Variants in FAM120B observed in about 807,000 individuals in gnomAD.
The protein encoded by FAM120B is family with sequence similarity 120 member B, also known as constitutive coactivator of peroxisome proliferator-activated receptor gamma.
Under a neutral mutation model 96.3 loss-of-function variants are expected in FAM120B, and 83 were observed. The ratio of observed to expected loss-of-function variants is 0.86; its 90% CI spans 0.72 to 1.03. The LOEUF is 1.03. FAM120B is among the 50% of genes least tolerant of loss of function. The probability of loss-of-function intolerance (pLI) is 0.00; values close to 1 mark genes in which losing one functional copy is unlikely to be tolerated. For synonymous variants in FAM120B, 407 were observed against 402.7 expected, an observed-to-expected ratio of 1.01 and a Z score of -0.13; for missense variants, 1,027 against 1,121.2, an observed-to-expected ratio of 0.92 and a Z score of 1.20.
At chr6:170,366,191 T>C (rs898687806) in intron 6 of FAM120B, among the ~76,000 whole-genome samples, 4 of 152,154 alleles carry the variant, frequency 2.6e-5, no homozygotes, top group Non-Finnish European at 4.4e-5. Flanking sequence ...TCGTTGTTCT[T>C]GGGAGTTAGA....
intron 5 of FAM120B, among the ~76,000 whole-genome samples, chr6:170,357,301 T>C (rs1305018589): frequency 6.6e-6 from 1 of 152,120 alleles, no homozygotes; most frequent in African/African-American, 2.4e-5. Context: ...GAGGAATGTC[T>C]CTACCTCCTC....
In FAM120B at chr6:170,363,925, G is replaced by A. The variant is rs1406918322; in HGVS notation, c.2283+5607G>A. On this transcript the variant is annotated intron_variant, in intron 6 of 10. Transcript: ENST00000476287. The surrounding 1 kb of genome is among the most constrained non-coding windows in gnomAD (Gnocchi z 4.5). ...TTTTTGTATTTTCAATAGAGATGGG[G>A]TTTTACCATGTTGGCCAGACTGGTC... Among the ~76,000 whole-genome samples, 2 of 152,124 alleles carry A rather than the reference G, an allele frequency of 1.3e-5. No homozygotes were observed. The highest frequency in any genetic ancestry group is 1.3e-4 in the Admixed American group (2 of 15,272).
intron 5 of FAM120B, among the ~76,000 whole-genome samples, chr6:170,348,773 C>T (rs1006540224): frequency 6.6e-6 from 1 of 152,182 alleles, no homozygotes; most frequent in Admixed American, 6.5e-5. Context: ...ATGTCAGTTT[C>T]ATTCCATCAT....
chr6:170,392,108 A>G (rs1790511140), intron 8 of FAM120B, among the ~76,000 whole-genome samples: 1 of 152,210 alleles, frequency 6.6e-6, no homozygotes, highest in African/African-American at 2.4e-5. Flanking sequence ...ATTGAAATAT[A>G]ATCAATTTTA....
At chr6:170,378,298 G>C (rs1789696210) in intron 6 of FAM120B, among the ~76,000 whole-genome samples, 1 of 152,086 alleles carries the variant, frequency 6.6e-6, no homozygotes, top group African/African-American at 2.4e-5. Context: ...TTAACCCCGA[G>C]CAGTTTCTAA....
At chr6:170,385,631 C>G in intron 6 of FAM120B, among the ~76,000 whole-genome samples, 1 of 152,314 alleles carries the variant, frequency 6.6e-6, no homozygotes, top group Non-Finnish European at 1.5e-5. Context: ...TCTTAACACA[C>G]AGTCCAGTAG....
chr6:170,333,342 A>G (rs1786191634), intron 4 of FAM120B, among the ~76,000 whole-genome samples: 1 of 152,134 alleles, frequency 6.6e-6, no homozygotes, highest in Non-Finnish European at 1.5e-5. Context: ...GCGGGGCCTC[A>G]CCAGAAGCCA....
At chr6:170,338,961 G>A (rs185110783) in intron 4 of FAM120B, among the ~76,000 whole-genome samples, 211 of 151,170 alleles carry the variant, frequency 1.4e-3, no homozygotes, top group African/African-American at 4.9e-3. Context: ...ACACCAATAG[G>A]TCTTGACTCG....
upstream of FAM120B, among the ~76,000 whole-genome samples, chr6:170,303,409 T>A (rs1360077492): frequency 6.6e-6 from 1 of 152,108 alleles, no homozygotes; most frequent in Non-Finnish European, 1.5e-5. Flanking sequence ...CTGGCCAATT[T>A]TTAAAAATGT....
At chr6:170,356,585 A>T (rs780837432) in intron 5 of FAM120B, among the ~76,000 whole-genome samples, 146 of 152,222 alleles carry the variant, frequency 9.6e-4, no homozygotes, top group Non-Finnish European at 1.7e-3. Flanking sequence ...AAGGATGCCA[A>T]AATCCATGCA....
intron 6 of FAM120B, among the ~76,000 whole-genome samples, chr6:170,386,379 A>G (rs1790187384): frequency 6.6e-6 from 1 of 152,244 alleles, no homozygotes; most frequent in African/African-American, 2.4e-5. Flanking sequence ...TTGCCAGTAT[A>G]CAGCATGAAA....
chr6:170,291,161 C>G (rs1347442487), upstream of FAM120B: 2 of 659,182 alleles, frequency 3.0e-6, no homozygotes, highest in Non-Finnish European at 5.5e-6. Flanking sequence ...CCCCAGCCCC[C>G]CCTTCCTCCC....
chr6:170,299,663 G>A (rs1020956858), intron 1 of FAM120B, among the ~76,000 whole-genome samples: 1 of 152,226 alleles, frequency 6.6e-6, no homozygotes, highest in Non-Finnish European at 1.5e-5. Flanking sequence ...AGTTCTGTAG[G>A]AATTATTCCT....
chr6:170,297,489 G>T (rs1322471732), intron 1 of FAM120B, among the ~76,000 whole-genome samples: 1 of 152,186 alleles, frequency 6.6e-6, no homozygotes, highest in Admixed American at 6.5e-5. Flanking sequence ...CCAGAGCACC[G>T]GGCTGTTTAA....
At chr6:170,296,149 C>G (rs1268138573) in intron 1 of FAM120B, among the ~76,000 whole-genome samples, 1 of 152,144 alleles carries the variant, frequency 6.6e-6, no homozygotes, top group Non-Finnish European at 1.5e-5. Context: ...GGGCCCGCCC[C>G]GTGCGAACCC....
upstream of FAM120B, chr6:170,290,970 C>T: frequency 1.4e-6 from 1 of 701,392 alleles, no homozygotes; most frequent in Non-Finnish European, 2.6e-6. The surrounding 1 kb of genome is among the most constrained non-coding windows in gnomAD (Gnocchi z 4.7). Context: ...CAGCCGGCCG[C>T]CCGCATGGCT....
At chr6:170,352,997 A>C (rs1787677733) in intron 5 of FAM120B, among the ~76,000 whole-genome samples, 1 of 152,190 alleles carries the variant, frequency 6.6e-6, no homozygotes, top group Non-Finnish European at 1.5e-5. Context: ...CTAATAAAGA[A>C]GAGAGAAGAA....
rs965963250 is a variant in FAM120B at position 170,295,447 on chromosome 6, G to T, written c.42G>T (p.Arg14Ser). 3.8e-5 allele frequency: 27 copies of T among 701,494 alleles called. No homozygotes were observed. The African/African-American group carries it at 3.9e-4, about 10-fold the overall frequency. 43.5% of individuals were successfully genotyped at this position (701,494 alleles called of 1,614,324 possible). A position where few individuals can be genotyped will look rare whatever the true frequency, so the allele number is the denominator to read the frequency against. The change falls in exon 1 of 11, where the codon AGG (arginine) becomes AGT (serine). Residue 14 changes from arginine to serine, a missense_variant. By Grantham distance (110) the Arg-to-Ser change is moderately radical. Coordinates refer to the FAM120B transcript ENST00000537664. The surrounding 1 kb of genome is among the most constrained non-coding windows in gnomAD (Gnocchi z 7.8). ...GCTCCACCAGCGCTGGCGCAGGCAG[G>T]AAGGAGGTGAGCGCCGCCCGCGTGC...
intron 6 of FAM120B, among the ~76,000 whole-genome samples, chr6:170,361,188 A>T: frequency 9.4e-6 from 1 of 106,338 alleles, no homozygotes; most frequent in Admixed American, 1.1e-4. Flanking sequence ...AAAACTATAT[A>T]TATATACGTG....
Sources: gnomAD v4.1 joint callset for allele counts (sites outside exome capture counted in the v4.1 genomes callset) on GRCh38, gnomAD v4.1.1 for gene constraint, Gnocchi (gnomAD v3.1) non-coding constraint, MANE v1.5 for transcripts, NCBI Gene and HGNC (gene_info 2026-07-23, HGNC 2026-07-21) for gene names.